Variants in ZMYM2 observed in about 807,000 individuals in gnomAD.
The protein encoded by ZMYM2 is zinc finger MYM-type protein 2.
In ZMYM2, 56 loss-of-function variants were observed where a neutral mutation model predicts 162.8. That is an observed-to-expected ratio of 0.34 (90% CI 0.28 to 0.43). The LOEUF is 0.43. ZMYM2 is among the 20% of genes least tolerant of loss of function. The pLI, the probability that ZMYM2 is intolerant of heterozygous loss-of-function variation, is 1.00. For missense variants in ZMYM2, 1,275 were observed against 1,621.8 expected (o/e 0.79, Z 3.67); for synonymous variants, 510 against 541.6 (o/e 0.94, Z 0.81).
At chr13:19,866,053 T>A in the ZMYM2 span, among the ~76,000 whole-genome samples, 509 of 151,998 alleles carry the variant, frequency 3.3e-3, 1 homozygote, top group South Asian at 0.026. Context: ...AAGATTTTTT[T>A]TTTTTGAGAA....
rs9579745 is a variant in ZMYM2, at chr13:19,958,859, T to C, written c.-80+18T>C. ...AGAACCGGGTGAGGCTTATCCCCGCTGTCTTTCCAGTCCAGGGCCGCCGAG... is the reference window on the plus strand; with the variant it reads ...AGAACCGGGTGAGGCTTATCCCCGCCGTCTTTCCAGTCCAGGGCCGCCGAG... On this transcript the variant is annotated intron_variant, in intron 1 of 24. Coordinates refer to ENST00000610343, the MANE Select transcript of ZMYM2 (RefSeq NM_197968.4). The C allele has an allele frequency of 0.1, 15,486 of 152,320 alleles. 1,311 individuals are homozygous for C. The highest frequency in any genetic ancestry group is 0.22 in the African/African-American group (9,249 of 41,434). The allele number at this position is 152,320 out of a possible 1,614,324, so 9.4% of individuals were successfully genotyped here.
chr13:20,051,674 T>C, intron 13 of ZMYM2, 76 bp downstream of exon 13: 1 of 1,383,938 alleles, frequency 7.2e-7, no homozygotes, highest in East Asian at 2.5e-5. Flanking sequence ...AAAGCACTGA[T>C]AATGAATAGT....
chr13:19,929,636 A>G, the ZMYM2 span, among the ~76,000 whole-genome samples: 3 of 120,928 alleles, frequency 2.5e-5, no homozygotes, highest in Non-Finnish European at 4.1e-5. Context: ...GGCATGGTAC[A>G]ATGTCTTTTT....
In ZMYM2 at chr13:20,039,645, T is replaced by C. The variant is rs148290552; in HGVS notation, c.2292+2736T>C. On this transcript the variant is annotated intron_variant, in intron 12 of 24. Coordinates refer to ENST00000610343, the MANE Select transcript of ZMYM2 (RefSeq NM_197968.4). The stretch of plus-strand genomic sequence containing the variant: ...CCCGCCACCATGCCCAGCTAATTTT[T>C]TTGTGTGTTTTTAGTAGAGATGGGA... 4.5e-3 allele frequency among the ~76,000 whole-genome samples: 683 copies of C among 152,078 alleles called. 6 individuals are homozygous for C. Among genetic ancestry groups the C allele is most frequent in the African/African-American group, 0.015 (626 of 41,494 alleles).
intron 21 of ZMYM2, chr13:20,072,027 G>T (rs934865967): frequency 8.4e-5 from 15 of 177,742 alleles, no homozygotes; most frequent in Non-Finnish European, 1.5e-4. Flanking sequence ...CCAACCATCA[G>T]GAACAGTAAG....
intron 21 of ZMYM2, among the ~76,000 whole-genome samples, chr13:20,078,784 A>G (rs1197355589): frequency 6.6e-6 from 1 of 152,060 alleles, no homozygotes; most frequent in Non-Finnish European, 1.5e-5. Context: ...ATATGTTGGG[A>G]TTACATGTTT....
At chr13:20,073,184 A>G (rs529134553) in intron 21 of ZMYM2, among the ~76,000 whole-genome samples, 6 of 152,326 alleles carry the variant, frequency 3.9e-5, no homozygotes, top group African/African-American at 1.4e-4. Flanking sequence ...CTGGGATTAC[A>G]GGTGTGAGCC....
intron 2 of ZMYM2, among the ~76,000 whole-genome samples, chr13:19,990,777 C>A (rs186664480): frequency 9.1e-4 from 139 of 152,312 alleles, no homozygotes; most frequent in African/African-American, 2.9e-3. Flanking sequence ...AGTATCTCCT[C>A]ATCTTTTCAG....
chr13:19,989,246 T>C (rs942870361), intron 2 of ZMYM2, among the ~76,000 whole-genome samples: 1 of 152,178 alleles, frequency 6.6e-6, no homozygotes, highest in Non-Finnish European at 1.5e-5. Flanking sequence ...GTGGGTACTT[T>C]GTAGGTGTTT....
At chr13:19,937,819 T>G in the ZMYM2 span, among the ~76,000 whole-genome samples, 152 of 122,740 alleles carry the variant, frequency 1.2e-3, no homozygotes, top group Admixed American at 3.6e-3. Flanking sequence ...CCCTGGTGTG[T>G]GATGTTCCCC....
At chr13:19,917,254 G>A in the ZMYM2 span, among the ~76,000 whole-genome samples, 41 of 151,796 alleles carry the variant, frequency 2.7e-4, no homozygotes, top group South Asian at 2.1e-4. Flanking sequence ...GAGCCACCAC[G>A]CCCGGCTTGA....
chr13:19,966,938 C>T (rs1355416312), intron 2 of ZMYM2, among the ~76,000 whole-genome samples: 1 of 152,188 alleles, frequency 6.6e-6, no homozygotes, highest in Admixed American at 6.5e-5. Context: ...CCTAGGAAGT[C>T]ATTCCATCCT....
chr13:19,997,213 G>T (rs1950082563), intron 3 of ZMYM2, among the ~76,000 whole-genome samples: 1 of 152,000 alleles, frequency 6.6e-6, no homozygotes, highest in African/African-American at 2.4e-5. Context: ...AGTTTTAATG[G>T]CTACACAATG....
Position 20,064,584 on chromosome 13 carries a change from A to C in ZMYM2, c.3132+39A>C, listed in dbSNP as rs376649942. The C allele has an allele frequency of 2.0e-6, 3 of 1,464,170 alleles. No homozygotes were observed. In the Admixed American group the frequency reaches 6.5e-5, roughly 32 times the overall value. The allele number at this position is 1,464,170 out of a possible 1,614,324, so 90.7% of individuals were successfully genotyped here. A position where few individuals can be genotyped will look rare whatever the true frequency, so the allele number is the denominator to read the frequency against. The stretch of plus-strand genomic sequence containing the variant: ...ATAGCCTATATAACAATATTTCTCT[A>C]TAGGCAAACAAGGATACAGTGTTCT... On this transcript the variant is annotated intron_variant, in intron 19 of 24. Coordinates refer to ENST00000610343, the MANE Select transcript of ZMYM2 (RefSeq NM_197968.4).
At chr13:20,031,551 A>T in intron 10 of ZMYM2, 116 bp downstream of exon 10, 1 of 653,126 alleles carries the variant, frequency 1.5e-6, no homozygotes, top group Non-Finnish European at 2.5e-6. Flanking sequence ...TGCTTTTCAG[A>T]TTTTTTTTTA....
the ZMYM2 span, among the ~76,000 whole-genome samples, chr13:19,882,956 T>A: frequency 6.6e-6 from 1 of 152,192 alleles, no homozygotes; most frequent in Non-Finnish European, 1.5e-5. Context: ...ATACATCAAT[T>A]TTTATACAGT....
chr13:20,047,565 A>G (rs971414250), intron 12 of ZMYM2, among the ~76,000 whole-genome samples: 8 of 152,180 alleles, frequency 5.3e-5, no homozygotes, highest in Non-Finnish European at 8.8e-5. Context: ...CTTAAATGGT[A>G]GTACACACAC....
intron 2 of ZMYM2, among the ~76,000 whole-genome samples, chr13:19,982,248 T>G (rs911286398): frequency 2.0e-5 from 3 of 151,308 alleles, no homozygotes; most frequent in African/African-American, 7.3e-5. Context: ...TAATTGCTTT[T>G]CAGTAGTTTT....
intron 9 of ZMYM2, among the ~76,000 whole-genome samples, chr13:20,030,232 CTTTTTTTTTTTTTTTCCAGATG>C (rs1314875731): frequency 7.1e-6 from 1 of 140,686 alleles, no homozygotes; most frequent in Non-Finnish European, 1.6e-5. Context: ...TTCTTTTCCT[CTTTTTTTTTTTTTTTCCAGATG>C]GAGTCTCGCT....
Sources: allele counts gnomAD v4.1 joint callset (sites outside exome capture counted in the v4.1 genomes callset), GRCh38; gene constraint gnomAD v4.1.1; transcripts MANE v1.5; gene names NCBI Gene and HGNC (gene_info 2026-07-23, HGNC 2026-07-21).